The following WDFY4 variants were observed in gnomAD, a reference collection of about 807,000 sequenced individuals.
WDFY4 encodes the protein WD repeat- and FYVE domain-containing protein 4.
WDFY4 carries 169 observed loss-of-function variants against 351.9 expected under a neutral mutation model. That is an observed-to-expected ratio of 0.48 (90% confidence interval 0.42 to 0.55). The LOEUF is 0.55. WDFY4 is among the 20% of genes least tolerant of loss of function. WDFY4 has a pLI of 0.00. For synonymous variants in WDFY4, 1,622 were observed against 1,574.6 expected (o/e 1.03, Z -0.71); for missense variants, 3,803 against 3,935.6 (o/e 0.97, Z 0.90).
chr10:48,697,566 C>T (rs1422077274), intron 1 of WDFY4, among the ~76,000 whole-genome samples: 6 of 152,190 alleles, frequency 3.9e-5, no homozygotes, highest in Non-Finnish European at 5.9e-5. Context: ...AACAAAGATG[C>T]ACGTGTGACT....
At chr10:48,955,688 A>T (rs1841553774) in intron 51 of WDFY4, among the ~76,000 whole-genome samples, 1 of 152,220 alleles carries the variant, frequency 6.6e-6, no homozygotes, top group Non-Finnish European at 1.5e-5. Context: ...AGCTGCTGTG[A>T]GGATTAGGAG....
chr10:48,926,567 C>T (rs1490585877), intron 47 of WDFY4, among the ~76,000 whole-genome samples: 4 of 152,168 alleles, frequency 2.6e-5, no homozygotes, highest in African/African-American at 4.8e-5. Context: ...TGACCACAGG[C>T]AAATAAGGTC....
At chr10:48,976,169 G>A (rs1282874864) in intron 58 of WDFY4, among the ~76,000 whole-genome samples, 1 of 152,206 alleles carries the variant, frequency 6.6e-6, no homozygotes, top group Non-Finnish European at 1.5e-5. Flanking sequence ...GGGGCACTGA[G>A]CACCCTACAT....
chr10:48,952,752 G>A (rs920517048), intron 51 of WDFY4, among the ~76,000 whole-genome samples: 1 of 152,160 alleles, frequency 6.6e-6, no homozygotes, highest in African/African-American at 2.4e-5. Flanking sequence ...CCTACAGGAA[G>A]GAAAGCTAAT....
chr10:48,841,703 C>T (rs2068613371), intron 39 of WDFY4, among the ~76,000 whole-genome samples: 1 of 152,220 alleles, frequency 6.6e-6, no homozygotes, highest in African/African-American at 2.4e-5. Flanking sequence ...ATGGAATATT[C>T]TCCATCTGAG....
chr10:48,838,147 G>C (rs982073795), intron 39 of WDFY4, among the ~76,000 whole-genome samples: 1 of 152,198 alleles, frequency 6.6e-6, no homozygotes, highest in Admixed American at 6.5e-5. Context: ...AGGATGATCC[G>C]CTGGAATTGC....
In WDFY4 at chr10:48,833,886, G is replaced by A. The variant is rs776336651; in HGVS notation, c.6663+1177G>A. On this transcript the variant is annotated intron_variant, in intron 39 of 61. Transcript: ENST00000325239. ...TCCCAGCTCTTGGCCCATGAACTTC[G>A]GGAAATGAGGTGGAGCCTAAATCCC... Among the ~76,000 whole-genome samples the A allele has an allele frequency of 1.7e-4, 26 of 152,164 alleles. No individual in the cohort carries two copies. The East Asian group carries it at 2.7e-3, about 16-fold the overall frequency.
chr10:48,767,737 G>A (rs1331131726), intron 13 of WDFY4, among the ~76,000 whole-genome samples: 5 of 152,222 alleles, frequency 3.3e-5, no homozygotes, highest in Admixed American at 1.3e-4. Flanking sequence ...TATGCTAGGT[G>A]GGGAAGGACA....
intron 52 of WDFY4, among the ~76,000 whole-genome samples, chr10:48,958,716 C>T (rs895068471): frequency 6.6e-6 from 1 of 152,088 alleles, no homozygotes; most frequent in Non-Finnish European, 1.5e-5. Flanking sequence ...TAGACAATTT[C>T]TATACTGTAA....
intron 8 of WDFY4, 22 bp downstream of exon 8, chr10:48,729,611 G>A: frequency 6.4e-7 from 1 of 1,550,932 alleles, no homozygotes; most frequent in Non-Finnish European, 8.7e-7. Flanking sequence ...CTGTGTCTGG[G>A]TGACCGGAAG....
intron 1 of WDFY4, among the ~76,000 whole-genome samples, chr10:48,704,205 G>A (rs552001194): frequency 8.5e-5 from 13 of 152,280 alleles, no homozygotes; most frequent in African/African-American, 2.4e-4. Context: ...AGGAGAAGCC[G>A]AGTCTCAGAG....
intron 50 of WDFY4, 72 bp from the exon 51 acceptor site, chr10:48,946,788 G>A: frequency 9.0e-7 from 1 of 1,117,020 alleles, no homozygotes; most frequent in Admixed American, 2.0e-5. Flanking sequence ...CATGAACACA[G>A]TGTAGCACAC....
chr10:48,755,013 C>T (rs1185111676), intron 12 of WDFY4, among the ~76,000 whole-genome samples: 11 of 152,110 alleles, frequency 7.2e-5, no homozygotes, highest in African/African-American at 2.7e-4. Context: ...TAGAGTCACA[C>T]GACTACCACC....
intron 11 of WDFY4, among the ~76,000 whole-genome samples, chr10:48,742,389 G>A (rs1007175164): frequency 3.9e-5 from 6 of 152,124 alleles, no homozygotes; most frequent in Non-Finnish European, 7.3e-5. Context: ...TAATATAACC[G>A]ATGAAGCCGT....
At chr10:48,835,758 A>G (rs1247227259) in intron 39 of WDFY4, among the ~76,000 whole-genome samples, 1 of 152,228 alleles carries the variant, frequency 6.6e-6, no homozygotes, top group Non-Finnish European at 1.5e-5. Flanking sequence ...ATTCTTCTCC[A>G]CTGACCCCAC....
chr10:48,782,040 T>A (rs1050424288), intron 19 of WDFY4, among the ~76,000 whole-genome samples: 25 of 152,362 alleles, frequency 1.6e-4, no homozygotes, highest in African/African-American at 5.8e-4. Flanking sequence ...AGTGGAGGTC[T>A]GTCTGTTCTG....
chr10:48,961,784 T>G (rs995022687), intron 53 of WDFY4, among the ~76,000 whole-genome samples: 1 of 151,550 alleles, frequency 6.6e-6, no homozygotes. Flanking sequence ...AGATGAGGAG[T>G]GAGTACAGCT....
Position 48,830,776 on chromosome 10 carries a change from T to G in WDFY4, c.6417T>G (p.Asp2139Glu). ...CACAAAGGCAGCAGACCCTGGAGGA[T>G]GCCTTCAAGATCGATCTCTCTGTGA... ...LVAQRQQTLEDAFKIDLSVKP... is the reference protein window; with the variant it reads ...LVAQRQQTLEEAFKIDLSVKP... Residue 2139 changes from aspartate to glutamate, a missense_variant, in exon 38 of 62, where the codon GAT becomes GAG. This residue lies in a region of WDFY4 where 3,054 missense variants were observed against 3,148.6 expected (regional missense o/e 0.97). Coordinates refer to ENST00000325239, the MANE Select transcript of WDFY4 (RefSeq NM_001394531.1). The G allele has an allele frequency of 6.4e-6, 10 of 1,551,680 alleles. No homozygotes were observed. Among genetic ancestry groups the G allele is most frequent in the Non-Finnish European group, 8.7e-6 (10 of 1,146,948 alleles).
chr10:48,760,380 C>T lies in WDFY4; in HGVS notation c.2493C>T (p.Pro831=), dbSNP rs755451866. Residue 831 remains proline, a synonymous_variant, in exon 13 of 62, where the codon CCC becomes CCT. Coordinates refer to ENST00000325239, the MANE Select transcript of WDFY4 (RefSeq NM_001394531.1). ...MDEGDAAIMH[P]GVVCIMVRLL... is the part of the protein sequence containing the mutation. ...AGGGAGATGCTGCAATCATGCATCC[C>T]GGGGTCGTGTGCATCATGGTGAGGC... 53 of 1,551,626 alleles carry T rather than the reference C, an allele frequency of 3.4e-5. No individual in the cohort carries two copies. Among genetic ancestry groups the T allele is most frequent in the African/African-American group, 1.2e-4 (9 of 73,164 alleles).
Sources: gnomAD v4.1 joint callset for allele counts (sites outside exome capture counted in the v4.1 genomes callset) on GRCh38, gnomAD v4.1.1 for gene constraint, gnomAD v4.1.1 regional missense constraint, MANE v1.5 for transcripts, NCBI Gene and HGNC (gene_info 2026-07-23, HGNC 2026-07-21) for gene names.